The following KRT6B variants were observed in gnomAD, a reference collection of about 807,000 sequenced individuals.
KRT6B encodes the protein keratin, type II cytoskeletal 6B.
In KRT6B, 29 loss-of-function variants were observed where a neutral mutation model predicts 44.7. The ratio of observed to expected loss-of-function variants is 0.65; its 90% CI spans 0.48 to 0.88. KRT6B has a LOEUF of 0.88. Ranked by LOEUF, KRT6B falls within the 40% of genes least tolerant of loss-of-function variation. The pLI, the probability that KRT6B is intolerant of heterozygous loss-of-function variation, is 0.00. For synonymous variants in KRT6B, 213 were observed against 296.0 expected (o/e 0.72, Z 2.88); for missense variants, 600 against 724.0 (o/e 0.83, Z 1.97).
At position 52,451,968 on chromosome 12, in the gene KRT6B, G is replaced by C; in HGVS notation, c.111C>G (p.Ser37=). ...GVSRSGFSSI[S]VSRSRGSGGL... ...CACCACTGCCCCTGGAGCGGGACAC[G>C]GAGATGCTGCTGAAGCCAGAGCGGC... The change falls in exon 1 of 9, where the codon TCC becomes TCG. Residue 37 remains serine, a synonymous_variant. Coordinates refer to ENST00000252252, the MANE Select transcript of KRT6B (RefSeq NM_005555.4). The C allele has an allele frequency of 1.4e-5, 23 of 1,613,620 alleles. No homozygotes were observed. The highest frequency in any genetic ancestry group is 1.9e-5 in the Non-Finnish European group (22 of 1,180,020).
chr12:52,451,441 C>T (rs666998), intron 1 of KRT6B, 98 bp downstream of exon 1: 191 of 1,610,640 alleles, frequency 1.2e-4, no homozygotes, highest in South Asian at 5.1e-4. Context: ...GGCTGAGTCC[C>T]CTTCTCCCTC....
chr12:52,450,616 C>G lies in KRT6B; in HGVS notation c.545G>C (p.Arg182Pro). ...AACCTTGTTCTGCTGCTCTAGGAACCGCACCTGGAGGGGAAGCAAAATGGT... is the reference window on the plus strand; with the variant it reads ...AACCTTGTTCTGCTGCTCTAGGAACGGCACCTGGAGGGGAAGCAAAATGGT... ...NKFASFIDKV[R>P]FLEQQNKVLD... Residue 182 changes from arginine to proline, a missense_variant, in exon 2 of 9, where the codon CGG becomes CCG. Physicochemically the swap from Arg to Pro is moderately radical, Grantham distance 103. Coordinates refer to ENST00000252252, the MANE Select transcript of KRT6B (RefSeq NM_005555.4). 1.2e-6 allele frequency: 2 copies of G among 1,614,100 alleles called. No individual in the cohort carries two copies. Among genetic ancestry groups the G allele is most frequent in the Admixed American group, 1.7e-5 (1 of 60,022 alleles).
Position 52,447,906 on chromosome 12 carries a change from A to G in KRT6B, c.1296T>C (p.Asp432=). Residue 432 remains aspartate, a synonymous_variant, in exon 7 of 9, where the codon GAT becomes GAC. Transcript: ENST00000252252. ...DAKNKLEGLE[D]ALQKAKQDLA... Reference sequence around the variant, plus strand: ...GGTCCTGCTTGGCCTTCTGCAGGGCATCCTCCAGCCCTTCCAGCTTGTTCT... The same window carrying G: ...GGTCCTGCTTGGCCTTCTGCAGGGCGTCCTCCAGCCCTTCCAGCTTGTTCT... 1 of 1,614,148 alleles carries G rather than the reference A, an allele frequency of 6.2e-7. No individual in the cohort carries two copies. The highest frequency in any genetic ancestry group is 1.1e-5 in the South Asian group (1 of 91,070).
intron 4 of KRT6B, 51 bp downstream of exon 4, chr12:52,449,707 C>T (rs368407469): frequency 5.9e-5 from 95 of 1,614,052 alleles, no homozygotes; most frequent in Non-Finnish European, 7.9e-5. Context: ...TACATCTTCT[C>T]CCCTTTGCAG....
Position 52,447,805 on chromosome 12 carries a change from C to T in KRT6B, c.1397G>A (p.Arg466His), listed in dbSNP as rs759757944. 9.3e-6 allele frequency: 15 copies of T among 1,614,004 alleles called. No individual in the cohort carries two copies. Among genetic ancestry groups the T allele is most frequent in the African/African-American group, 4.0e-5 (3 of 74,904 alleles). Residue 466 changes from arginine (R) to histidine (H), a missense_variant, in exon 7 of 9, where the codon CGC (arginine) becomes CAC (histidine). By Grantham distance (29) the Arg-to-His change is conservative. Coordinates refer to ENST00000252252, the MANE Select transcript of KRT6B (RefSeq NM_005555.4). ...GCACTCCTCGCCCTCCAGCAGCTTGCGGTAGGTGGCGATCTCCACATCCAG... is the reference window on the plus strand; with the variant it reads ...GCACTCCTCGCCCTCCAGCAGCTTGTGGTAGGTGGCGATCTCCACATCCAG... ...LALDVEIATYRKLLEGEECRL... is the reference protein window; with the variant it reads ...LALDVEIATYHKLLEGEECRL...
At chr12:52,450,102 G>T (rs1418511449) in intron 2 of KRT6B, 30 bp from the exon 3 acceptor site, 1 of 1,613,816 alleles carries the variant, frequency 6.2e-7, no homozygotes, top group African/African-American at 1.3e-5. Context: ...GGACACATTT[G>T]AGCCAGTGGG....
Position 52,448,873 on chromosome 12 carries a change from A to G in KRT6B, c.1172T>C (p.Leu391Pro), listed in dbSNP as rs1321628654. The G allele has an allele frequency of 3.1e-6, 5 of 1,614,030 alleles. No homozygotes were observed. The highest frequency in any genetic ancestry group is 4.2e-6 in the Non-Finnish European group (5 of 1,180,018). The change falls in exon 6 of 9, where the codon CTG (leucine) becomes CCG (proline). Residue 391 changes from leucine (L) to proline (P), a missense_variant. Physicochemically the swap from Leu to Pro is moderately conservative, Grantham distance 98. Coordinates refer to ENST00000252252, the MANE Select transcript of KRT6B (RefSeq NM_005555.4). ...CTTGACGTGGTCGATCTCAGATCTC[A>G]GCCTCTGGATCATGCGGTTGATCTC... is the stretch of plus-strand genomic sequence containing the variant. ...IAEINRMIQR[L>P]RSEIDHVKKQ... is the part of the protein sequence containing the mutation.
chr12:52,447,491 G>A (rs748426250), intron 8 of KRT6B, 48 bp downstream of exon 8: 1 of 1,614,044 alleles, frequency 6.2e-7, no homozygotes, highest in Admixed American at 1.7e-5. Context: ...CCTGAGCCCA[G>A]TCAGGAGAGT....
chr12:52,452,080 G>A lies in KRT6B; in HGVS notation c.-2C>T. On this transcript the variant is annotated 5_prime_UTR_variant, in exon 1 of 9. Transcript: ENST00000252252. ...GATGGTGGTGGATGTGCTGGCCATGGTTCCAGGAGATGAGAGGGCTTAGGA... is the reference window on the plus strand; with the variant it reads ...GATGGTGGTGGATGTGCTGGCCATGATTCCAGGAGATGAGAGGGCTTAGGA... 6.2e-7 allele frequency: 1 copy of A among 1,614,172 alleles called. No individual in the cohort carries two copies. The highest frequency in any genetic ancestry group is 8.5e-7 in the Non-Finnish European group (1 of 1,180,032).
intron 1 of KRT6B, among the ~76,000 whole-genome samples, chr12:52,451,179 T>C (rs1264209809): frequency 7.9e-5 from 12 of 151,412 alleles, no homozygotes; most frequent in Admixed American, 2.0e-4. Context: ...CTTTTTCCTC[T>C]TACCCAGACC....
chr12:52,447,175 G>C lies in KRT6B; in HGVS notation c.*15C>G. Reference sequence around the variant, plus strand: ...GGGCCTGAGAGCTGTGGGACTGAGAGCTGGCGGCAGCACTTCAGTGCTTGT... The same window carrying C: ...GGGCCTGAGAGCTGTGGGACTGAGACCTGGCGGCAGCACTTCAGTGCTTGT... On this transcript the variant is annotated 3_prime_UTR_variant, in exon 9 of 9. Coordinates refer to ENST00000252252, the MANE Select transcript of KRT6B (RefSeq NM_005555.4). 1 of 1,613,824 alleles carries C rather than the reference G, an allele frequency of 6.2e-7. No homozygotes were observed. Among genetic ancestry groups the C allele is most frequent in the Non-Finnish European group, 8.5e-7 (1 of 1,179,944 alleles).
intron 6 of KRT6B, among the ~76,000 whole-genome samples, chr12:52,448,525 T>G (rs1000663226): frequency 2.6e-5 from 4 of 152,212 alleles, no homozygotes; most frequent in African/African-American, 9.6e-5. Flanking sequence ...CTTTCTGACC[T>G]GACATCTTGC....
At chr12:52,447,658 T>C in intron 7 of KRT6B, 85 bp from the exon 8 acceptor site, 2 of 1,613,868 alleles carry the variant, frequency 1.2e-6, no homozygotes, top group Non-Finnish European at 1.7e-6. Flanking sequence ...ATGGGAAAAC[T>C]TTTAGTTTTC....
chr12:52,449,577 G>T lies in KRT6B; in HGVS notation c.969C>A (p.Asp323Glu). 1 of 1,614,238 alleles carries T rather than the reference G, an allele frequency of 6.2e-7. No homozygotes were observed. The highest frequency in any genetic ancestry group is 8.5e-7 in the Non-Finnish European group (1 of 1,180,042). The change falls in exon 5 of 9, where the codon GAC (aspartate) becomes GAA (glutamate). Residue 323 changes from aspartate to glutamate, a missense_variant. Physicochemically the swap from Asp to Glu is conservative, Grantham distance 45. This residue lies in a region of KRT6B where 479 missense variants were observed against 454.2 expected (regional missense o/e 1.05). Transcript: ENST00000252252. ...TGTCCAGGTCCAGGTTGCGGTTGTT[G>T]TCCATGGATAGCACCACGGATGTGT... ...ISDTSVVLSM[D>E]NNRNLDLDSI...
chr12:52,447,353 C>T lies in KRT6B; in HGVS notation c.1532G>A (p.Gly511Glu). The change falls in exon 9 of 9, where the codon GGA becomes GAA. Residue 511 changes from glycine (G) to glutamate (E), a missense_variant. Coordinates refer to ENST00000252252, the MANE Select transcript of KRT6B (RefSeq NM_005555.4). ...SGVGSGLGLG[G>E]GSSYSYGSGL... ...ACTGCCATAGGAGTAGCTGCTTCCT[C>T]CACCCAGGCCTAAGCCACTGCCGAC... is the stretch of plus-strand genomic sequence containing the variant. 2.5e-6 allele frequency: 4 copies of T among 1,614,040 alleles called. No homozygotes were observed. The highest frequency in any genetic ancestry group is 3.4e-6 in the Non-Finnish European group (4 of 1,179,872).
rs1354685646 is a variant in KRT6B, at chr12:52,449,653, A to G, written c.913-20T>C. 1.9e-6 allele frequency: 3 copies of G among 1,614,100 alleles called. No homozygotes were observed. Among genetic ancestry groups the G allele is most frequent in the Admixed American group, 1.7e-5 (1 of 60,012 alleles). On this transcript the variant is annotated intron_variant, in intron 4 of 8. Coordinates refer to ENST00000252252, the MANE Select transcript of KRT6B (RefSeq NM_005555.4). Reference sequence around the variant, plus strand: ...CAGCTCCTGCAGAACAGAAGGTCATAAGATCAACTTCACTTCTGACATTTA... The same window carrying G: ...CAGCTCCTGCAGAACAGAAGGTCATGAGATCAACTTCACTTCTGACATTTA...
intron 6 of KRT6B, among the ~76,000 whole-genome samples, chr12:52,448,232 C>T (rs954275061): frequency 2.6e-5 from 4 of 152,146 alleles, no homozygotes; most frequent in Admixed American, 1.3e-4. Context: ...TGGGTGATGA[C>T]CAATGGAAGA....
At position 52,447,763 on chromosome 12, in the gene KRT6B, G is replaced by A. The variant is rs751265743; in HGVS notation, c.1424+15C>T. 4.0e-5 allele frequency: 64 copies of A among 1,614,082 alleles called. 2 individuals carry two copies. The Middle Eastern group carries it at 4.9e-4, about 12-fold the overall frequency. On this transcript the variant is annotated intron_variant, in intron 7 of 8. Coordinates refer to ENST00000252252, the MANE Select transcript of KRT6B (RefSeq NM_005555.4). ...ATGGACTCAGCTGTTGGAGGAAGTC[G>A]CGTCAGTTACCCACCTGCACTCCTC...
rs1444252638 is a variant in KRT6B, at chr12:52,451,989, G to A, written c.90C>T (p.Arg30=). 2.5e-6 allele frequency: 4 copies of A among 1,613,742 alleles called. No individual in the cohort carries two copies. The Admixed American group carries it at 5.0e-5, about 20-fold the overall frequency. ...ANSARLPGVS[R]SGFSSISVSR... is the part of the protein sequence containing the mutation. ...ACACGGAGATGCTGCTGAAGCCAGA[G>A]CGGCTGACCCCAGGGAGCCTGGCTG... Residue 30 remains arginine (R), a synonymous_variant, in exon 1 of 9, where the codon CGC becomes CGT. Coordinates refer to ENST00000252252, the MANE Select transcript of KRT6B (RefSeq NM_005555.4).
Sources: gnomAD v4.1 joint callset for allele counts (sites outside exome capture counted in the v4.1 genomes callset) on GRCh38, gnomAD v4.1.1 for gene constraint, gnomAD v4.1.1 regional missense constraint, MANE v1.5 for transcripts, NCBI Gene and HGNC (gene_info 2026-07-23, HGNC 2026-07-21) for gene names.